TMEM9B: variants seen among roughly 807,000 people sequenced by gnomAD.
The protein encoded by TMEM9B is TMEM9 domain family member B.
Under a neutral mutation model 23.5 loss-of-function variants are expected in TMEM9B, and 8 were observed. The observed-to-expected ratio is 0.34, with a 90% confidence interval of 0.20 to 0.61. TMEM9B has a LOEUF of 0.61. Ranked by LOEUF, TMEM9B falls within the 20% of genes least tolerant of loss-of-function variation. TMEM9B has a pLI of 0.78. For missense variants in TMEM9B, 197 were observed against 252.3 expected (o/e 0.78, Z 1.49); for synonymous variants, 106 against 96.3 (o/e 1.10, Z -0.59).
In TMEM9B at chr11:8,953,207, A is replaced by G. The variant is rs962743936; in HGVS notation, c.437T>C (p.Ile146Thr). Residue 146 changes from isoleucine to threonine, a missense_variant, in exon 4 of 5, where the codon ATT becomes ACT. This residue lies in a region of TMEM9B where 141 missense variants were observed against 214.1 expected (regional missense o/e 0.66). Coordinates refer to ENST00000534025, the MANE Select transcript of TMEM9B (RefSeq NM_020644.3). ...HAQLIQSDDD[I>T]GDHQPFANAH... Reference sequence around the variant, plus strand: ...TAGGGCAGGCTGGGAACTTACCCCAATATCATCATCACTCTGTATCAACTG... The same window carrying G: ...TAGGGCAGGCTGGGAACTTACCCCAGTATCATCATCACTCTGTATCAACTG... The G allele has an allele frequency of 1.2e-5, 20 of 1,614,048 alleles. No individual in the cohort carries two copies. The highest frequency in any genetic ancestry group is 1.1e-4 in the African/African-American group (8 of 74,908).
intron 2 of TMEM9B, among the ~76,000 whole-genome samples, chr11:8,960,893 C>T (rs976784914): frequency 1.3e-5 from 2 of 152,130 alleles, no homozygotes; most frequent in African/African-American, 4.8e-5. Context: ...CTCTGTTGGC[C>T]AGGCTGGTCT....
intron 1 of TMEM9B, 70 bp downstream of exon 1, chr11:8,964,139 A>G: frequency 6.8e-7 from 1 of 1,473,648 alleles, no homozygotes; most frequent in Admixed American, 2.0e-5. Flanking sequence ...GCAGGTTGGC[A>G]GACCCAGTTT....
chr11:8,954,190 C>T (rs992257214), intron 3 of TMEM9B, among the ~76,000 whole-genome samples: 3 of 152,118 alleles, frequency 2.0e-5, no homozygotes, highest in African/African-American at 2.4e-5. Context: ...ATGAAATGTC[C>T]ATGTATGCAG....
intron 2 of TMEM9B, 62 bp downstream of exon 2, chr11:8,962,030 G>A: frequency 9.5e-7 from 1 of 1,054,138 alleles, no homozygotes; most frequent in African/African-American, 1.7e-5. Context: ...TGAACATTCT[G>A]GGATAACACT....
At chr11:8,953,039 CT>C (rs1290061275) in intron 4 of TMEM9B, 163 bp downstream of exon 4, 1 of 776,370 alleles carries the variant, frequency 1.3e-6, no homozygotes, top group African/African-American at 1.7e-5. Flanking sequence ...CAAGCAATTT[CT>C]TCATAAAGAG....
At chr11:8,954,186 T>C (rs1008599466) in intron 3 of TMEM9B, among the ~76,000 whole-genome samples, 1 of 152,152 alleles carries the variant, frequency 6.6e-6, no homozygotes, top group South Asian at 2.1e-4. Flanking sequence ...ATACATGAAA[T>C]GTCCATGTAT....
At chr11:8,950,502 G>A (rs534561599) in intron 4 of TMEM9B, among the ~76,000 whole-genome samples, 4 of 152,108 alleles carry the variant, frequency 2.6e-5, no homozygotes, top group Admixed American at 6.5e-5. Context: ...TCAAGGTAGG[G>A]GAGAAAAATC....
At chr11:8,955,463 C>T (rs955896208) in intron 3 of TMEM9B, among the ~76,000 whole-genome samples, 2 of 151,786 alleles carry the variant, frequency 1.3e-5, no homozygotes, top group Non-Finnish European at 2.9e-5. Context: ...CAGTGGGAGC[C>T]CTGAGCTTGT....
At chr11:8,948,757 A>C (rs1396591066) in intron 4 of TMEM9B, among the ~76,000 whole-genome samples, 1 of 152,216 alleles carries the variant, frequency 6.6e-6, no homozygotes, top group Non-Finnish European at 1.5e-5. Flanking sequence ...GTGGAGACCA[A>C]GCAAAAGACA....
In TMEM9B at chr11:8,952,249, TACACACAC is replaced by T. The variant is rs142506777; in HGVS notation, c.441+946_441+953del. Among the ~76,000 whole-genome samples, 197 of 122,686 alleles carry T rather than the reference TACACACAC, an allele frequency of 1.6e-3. 1 individual carries two copies. Among genetic ancestry groups the T allele is most frequent in the African/African-American group, 4.4e-3 (154 of 35,394 alleles). 80.5% of individuals were successfully genotyped at this position (122,686 alleles called of 152,430 possible). On this transcript the variant is annotated intron_variant, in intron 4 of 4. Coordinates refer to ENST00000534025, the MANE Select transcript of TMEM9B (RefSeq NM_020644.3). ...ATTTATACAGATTATGCCAACTATA[TACACACAC>T]ACACACACACACACACACACACGCT...
At chr11:8,958,377 A>G (rs1167383608) in intron 2 of TMEM9B, among the ~76,000 whole-genome samples, 12 of 141,458 alleles carry the variant, frequency 8.5e-5, no homozygotes, top group East Asian at 6.9e-4. Flanking sequence ...CAGGAGAATC[A>G]CTTGAACCTG....
In TMEM9B at chr11:8,948,944, C is replaced by A. The variant is rs756258087; in HGVS notation, c.442-469G>T. Among the ~76,000 whole-genome samples, 15 of 152,152 alleles carry A rather than the reference C, an allele frequency of 9.9e-5. 1 individual carries two copies. Among genetic ancestry groups the A allele is most frequent in the Non-Finnish European group, 1.9e-4 (13 of 68,032 alleles). On this transcript the variant is annotated intron_variant, in intron 4 of 4. Transcript: ENST00000534025. ...GATCTGTCTTTTAATTTCCTGTCTCCATTAGAATTGTTTTCTTGCCAGCTT... is the reference window on the plus strand; with the variant it reads ...GATCTGTCTTTTAATTTCCTGTCTCAATTAGAATTGTTTTCTTGCCAGCTT...
intron 4 of TMEM9B, among the ~76,000 whole-genome samples, chr11:8,950,621 G>C (rs1013083740): frequency 2.0e-5 from 3 of 152,156 alleles, no homozygotes; most frequent in African/African-American, 7.2e-5. Flanking sequence ...CAGATGCTGG[G>C]GGAATGCAAA....
At chr11:8,964,463 G>A, upstream of TMEM9B, 8 of 1,423,832 alleles carry the variant, frequency 5.6e-6, no homozygotes, top group South Asian at 4.6e-5. Context: ...GCGTCACCGG[G>A]CGCGCCGGGT....
Position 8,948,158 on chromosome 11 carries a change from A to T in TMEM9B, c.*162T>A. The T allele has an allele frequency of 2.4e-6, 2 of 826,022 alleles. No homozygotes were observed. The highest frequency in any genetic ancestry group is 3.7e-6 in the Non-Finnish European group (2 of 547,024). 51.2% of individuals were successfully genotyped at this position (826,022 alleles called of 1,614,324 possible). ...TTAAAAATGTCTCTATTATTACGTT[A>T]ACAAGAAAAAAAAATCAAGCAAGTT... On this transcript the variant is annotated 3_prime_UTR_variant, in exon 5 of 5. Transcript: ENST00000534025.
At chr11:8,964,097 C>T (rs1854137340) in intron 1 of TMEM9B, 112 bp downstream of exon 1, 1 of 1,076,446 alleles carries the variant, frequency 9.3e-7, no homozygotes, top group Non-Finnish European at 1.3e-6. Context: ...GCTGTGAGGC[C>T]AGGCGTATGG....
chr11:8,964,405 G>C lies in TMEM9B; in HGVS notation c.-92C>G, dbSNP rs1589950717. On this transcript the variant is annotated 5_prime_UTR_variant, in exon 1 of 5. Transcript: ENST00000534025. ...CAGGCTCAGGCTCAGGCACAGGCTT[G>C]GGACCCGGCTGGGGATCCTCCGCCC... 2.8e-6 allele frequency: 4 copies of C among 1,411,526 alleles called. No homozygotes were observed. Among genetic ancestry groups the C allele is most frequent in the East Asian group, 3.0e-5 (1 of 33,062 alleles). The allele number at this position is 1,411,526 out of a possible 1,614,324, so 87.4% of individuals were successfully genotyped here.
chr11:8,948,853 G>C (rs1853824743), intron 4 of TMEM9B, among the ~76,000 whole-genome samples: 1 of 152,212 alleles, frequency 6.6e-6, no homozygotes, highest in South Asian at 2.1e-4. Flanking sequence ...CCATGTTATA[G>C]ATATGGAAAG....
chr11:8,948,619 C>G, intron 4 of TMEM9B, 144 bp from the exon 5 acceptor site: 1 of 874,922 alleles, frequency 1.1e-6, no homozygotes, highest in Non-Finnish European at 1.7e-6. Context: ...CACTCCTAAG[C>G]GCTCAACTAC....
Sources: gnomAD v4.1 joint callset for allele counts (sites outside exome capture counted in the v4.1 genomes callset) on GRCh38, gnomAD v4.1.1 for gene constraint, gnomAD v4.1.1 regional missense constraint, MANE v1.5 for transcripts, NCBI Gene and HGNC (gene_info 2026-07-23, HGNC 2026-07-21) for gene names.